The following FASTKD2 variants were observed in gnomAD, a reference collection of about 807,000 sequenced individuals.
FASTKD2 encodes the protein FAST kinase domain-containing protein 2, mitochondrial.
FASTKD2 carries 51 observed loss-of-function variants against 63.6 expected under a neutral mutation model. The ratio of observed to expected loss-of-function variants is 0.80; its 90% CI spans 0.64 to 1.01. The LOEUF (loss-of-function observed/expected upper bound fraction) is 1.01. FASTKD2 is among the 50% of genes least tolerant of loss of function. The pLI, the probability that FASTKD2 is intolerant of heterozygous loss-of-function variation, is 0.00. For missense variants in FASTKD2, 786 were observed against 831.1 expected (o/e 0.95, Z 0.67); for synonymous variants, 284 against 293.4 (o/e 0.97, Z 0.33).
At chr2:206,784,486 C>G (rs1690082638) in intron 7 of FASTKD2, among the ~76,000 whole-genome samples, 1 of 152,198 alleles carries the variant, frequency 6.6e-6, no homozygotes, top group Non-Finnish European at 1.5e-5. Flanking sequence ...GGTGTTAAAT[C>G]CAGAGTATCT....
In FASTKD2 at chr2:206,791,673, C is replaced by T. The variant is rs1690289821; in HGVS notation, c.2014-10C>T. Reference sequence around the variant, plus strand: ...TCACAAACTGATTATTTTCCTCTTTCTTTGGTAAGGTCAATAACTGGGAGA... The same window carrying T: ...TCACAAACTGATTATTTTCCTCTTTTTTTGGTAAGGTCAATAACTGGGAGA... On this transcript the variant is annotated splice_polypyrimidine_tract_variant and intron_variant, in intron 11 of 11. Transcript: ENST00000402774. 2.5e-6 allele frequency: 4 copies of T among 1,611,984 alleles called. No homozygotes were observed. In the Admixed American group the frequency reaches 6.7e-5, roughly 27 times the overall value.
chr2:206,766,806 G>T lies in FASTKD2; in HGVS notation c.113G>T (p.Ser38Ile), dbSNP rs931974124. 3 of 1,613,082 alleles carry T rather than the reference G, an allele frequency of 1.9e-6. No individual in the cohort carries two copies. The South Asian group carries it at 3.3e-5, about 18-fold the overall frequency. Residue 38 changes from serine (S) to isoleucine (I), a missense_variant, in exon 2 of 12, where the codon AGC (serine) becomes ATC (isoleucine). Coordinates refer to ENST00000402774, the MANE Select transcript of FASTKD2 (RefSeq NM_001136193.2). ...LRQFSTLVST[S>I]RTMRLCCLGL... ...CAATTCAGTACATTAGTTTCAACAA[G>T]CAGAACTATGAGGCTATGTTGTTTG...
chr2:206,788,264 C>A (rs949057929), intron 9 of FASTKD2, 109 bp downstream of exon 9: 1 of 707,012 alleles, frequency 1.4e-6, no homozygotes, highest in East Asian at 2.7e-5. Context: ...GCAGCATTGC[C>A]TCTGGAACTG....
chr2:206,790,407 G>C (rs928518685), intron 10 of FASTKD2, 165 bp from the exon 11 acceptor site: 8 of 635,378 alleles, frequency 1.3e-5, no homozygotes, highest in Non-Finnish European at 2.3e-5. Context: ...TTGTATAGTG[G>C]AATATCTGCA....
At chr2:206,778,617 G>A (rs1689883475) in intron 7 of FASTKD2, among the ~76,000 whole-genome samples, 1 of 151,914 alleles carries the variant, frequency 6.6e-6, no homozygotes, top group Non-Finnish European at 1.5e-5. Context: ...TATGTGTTCT[G>A]GTGCTATTGG....
chr2:206,772,154 GT>G, intron 5 of FASTKD2, 26 bp from the exon 6 acceptor site: 1 of 1,606,336 alleles, frequency 6.2e-7, no homozygotes, highest in East Asian at 2.2e-5. Flanking sequence ...GGTAATTTTT[GT>G]TTGTTTATTT....
chr2:206,771,982 T>C lies in FASTKD2; in HGVS notation c.1079T>C (p.Leu360Pro). 1 of 1,610,984 alleles carries C rather than the reference T, an allele frequency of 6.2e-7. No homozygotes were observed. Among genetic ancestry groups the C allele is most frequent in the Non-Finnish European group, 8.5e-7 (1 of 1,177,150 alleles). Residue 360 changes from leucine to proline, a missense_variant, in exon 5 of 12, where the codon CTT becomes CCT. Transcript: ENST00000402774. ...CTAGCTGCCATGAATCACCGATCTC[T>C]TATACTCCTGGATGAATGCAGTAAG... ...EVLAAMNHRS[L>P]ILLDECSKVV...
In FASTKD2 at chr2:206,774,240, AT is replaced by A; in HGVS notation, c.1274del (p.Leu425TyrfsTer12). 6.2e-7 allele frequency: 1 copy of A among 1,609,852 alleles called. No homozygotes were observed. The highest frequency in any genetic ancestry group is 8.5e-7 in the Non-Finnish European group (1 of 1,177,240). On this transcript the variant is annotated frameshift_variant, in exon 7 of 12. Transcript: ENST00000402774. LOFTEE classifies it high-confidence loss of function. ...WKFRKVLFIL[I>X]LFENLGFRPV... ...TCTTTTTAAGGTTCTTTTTATCCTC[AT>A]TTTATTTGAAAACCTTGGCTTTCGA... is the stretch of plus-strand genomic sequence containing the variant.
intron 10 of FASTKD2, chr2:206,790,288 T>C (rs1690248403): frequency 2.7e-6 from 1 of 367,130 alleles, no homozygotes; most frequent in Non-Finnish European, 5.2e-6. Flanking sequence ...CCCTTAAAAT[T>C]GGTGCTTTCA....
chr2:206,782,021 C>T (rs1689999776), intron 7 of FASTKD2, among the ~76,000 whole-genome samples: 1 of 152,310 alleles, frequency 6.6e-6, no homozygotes, highest in Non-Finnish European at 1.5e-5. Flanking sequence ...TCTCTCAGAG[C>T]TGTGCTGAGT....
At chr2:206,769,712 C>G (rs778236714) in intron 2 of FASTKD2, among the ~76,000 whole-genome samples, 1 of 152,194 alleles carries the variant, frequency 6.6e-6, no homozygotes, top group African/African-American at 2.4e-5. Context: ...TTCTGTACTT[C>G]AGTAGTTCTT....
chr2:206,788,768 A>T, intron 9 of FASTKD2, 51 bp from the exon 10 acceptor site: 1 of 916,250 alleles, frequency 1.1e-6, no homozygotes, highest in Non-Finnish European at 1.8e-6. Context: ...AAGAAAAAGA[A>T]AGTCACTTGG....
intron 7 of FASTKD2, 74 bp from the exon 8 acceptor site, chr2:206,786,659 C>A: frequency 7.5e-7 from 1 of 1,326,686 alleles, no homozygotes; most frequent in Admixed American, 1.7e-5. Flanking sequence ...ATTTTCTTAT[C>A]TCTTTTCTTT....
At position 206,786,895 on chromosome 2, in the gene FASTKD2, A is replaced by T; in HGVS notation, c.1590A>T (p.Thr530=). 1.3e-6 allele frequency: 2 copies of T among 1,584,728 alleles called. No homozygotes were observed. The highest frequency in any genetic ancestry group is 1.7e-6 in the Non-Finnish European group (2 of 1,161,252). ...AAGACATCATCAGTGAGCTGCTGAC[A>T]TCAGGTAGGATGTTAGTGCAGAATT... The part of the protein sequence containing the change: ...LQKDIISELL[T]SDDMKNAYKL... Residue 530 remains threonine (T), a synonymous_variant, in exon 8 of 12, where the codon ACA becomes ACT. Transcript: ENST00000402774.
At chr2:206,780,361 G>T (rs1235745311) in intron 7 of FASTKD2, among the ~76,000 whole-genome samples, 1 of 152,134 alleles carries the variant, frequency 6.6e-6, no homozygotes, top group Non-Finnish European at 1.5e-5. Context: ...GGACGGTTTT[G>T]CCAAGTATAG....
Position 206,774,236 on chromosome 2 carries a change from C to G in FASTKD2, c.1266C>G (p.Ile422Met), listed in dbSNP as rs1184149591. The G allele has an allele frequency of 1.2e-6, 2 of 1,608,504 alleles. No homozygotes were observed. The highest frequency in any genetic ancestry group is 2.2e-5 in the East Asian group (1 of 44,724). Residue 422 changes from isoleucine (I) to methionine (M), a missense_variant, in exon 7 of 12, where the codon ATC becomes ATG. Ile to Met is a conservative substitution (Grantham distance 10). Coordinates refer to ENST00000402774, the MANE Select transcript of FASTKD2 (RefSeq NM_001136193.2). ...DIWKFRKVLF[I>M]LILFENLGFR... is the part of the protein sequence containing the mutation. Reference sequence around the variant, plus strand: ...TTTCTCTTTTTAAGGTTCTTTTTATCCTCATTTTATTTGAAAACCTTGGCT... The same window carrying G: ...TTTCTCTTTTTAAGGTTCTTTTTATGCTCATTTTATTTGAAAACCTTGGCT...
At chr2:206,771,832 A>C in intron 4 of FASTKD2, 62 bp from the exon 5 acceptor site, 6 of 1,364,096 alleles carry the variant, frequency 4.4e-6, no homozygotes, top group Non-Finnish European at 4.1e-6. Context: ...CTCAATAAAA[A>C]TAAAAGTTTA....
chr2:206,789,020 C>T, intron 10 of FASTKD2, 117 bp downstream of exon 10: 1 of 702,544 alleles, frequency 1.4e-6, no homozygotes. Flanking sequence ...GAGCCTGCAG[C>T]ACACCAAGAG....
chr2:206,775,273 G>T (rs1022429874), intron 7 of FASTKD2, among the ~76,000 whole-genome samples: 9 of 151,332 alleles, frequency 5.9e-5, no homozygotes, highest in African/African-American at 1.9e-4. Context: ...CCACAAGTGA[G>T]ATCCCTGGAT....
Sources: gnomAD v4.1 joint callset for allele counts (sites outside exome capture counted in the v4.1 genomes callset) on GRCh38, gnomAD v4.1.1 for gene constraint, MANE v1.5 for transcripts, NCBI Gene and HGNC (gene_info 2026-07-23, HGNC 2026-07-21) for gene names.